Variants in SPATS1 observed in about 807,000 individuals in gnomAD.
The protein encoded by SPATS1 is spermatogenesis-associated serine-rich protein 1.
In SPATS1, 23 loss-of-function variants were observed where a neutral mutation model predicts 33.6. That is an observed-to-expected ratio of 0.68 (90% CI 0.49 to 0.97). The LOEUF (loss-of-function observed/expected upper bound fraction) is 0.97. Ranked by LOEUF, SPATS1 falls within the 50% of genes least tolerant of loss-of-function variation. The pLI is 0.00. For synonymous variants in SPATS1, 131 were observed against 125.6 expected (o/e 1.04, Z -0.29); for missense variants, 327 against 361.0 (o/e 0.91, Z 0.76).
chr6:44,361,595 A>G (rs1788923928), intron 4 of SPATS1: 9 of 944,326 alleles, frequency 9.5e-6, no homozygotes, highest in Non-Finnish European at 1.1e-5. Flanking sequence ...GAGAGGGTGA[A>G]GAGGGCAAAC....
At chr6:44,365,101 T>G (rs1789166986) in intron 5 of SPATS1, among the ~76,000 whole-genome samples, 1 of 152,230 alleles carries the variant, frequency 6.6e-6, no homozygotes, top group Non-Finnish European at 1.5e-5. Flanking sequence ...CACTCATTAT[T>G]TCTTGGATGA....
At chr6:44,366,922 A>T (rs1789284272) in intron 5 of SPATS1, among the ~76,000 whole-genome samples, 1 of 152,226 alleles carries the variant, frequency 6.6e-6, no homozygotes, top group Non-Finnish European at 1.5e-5. Context: ...GTAAGGTTAA[A>T]TAAATAGCTC....
At chr6:44,358,276 C>A (rs951561913) in intron 3 of SPATS1, among the ~76,000 whole-genome samples, 5 of 152,184 alleles carry the variant, frequency 3.3e-5, no homozygotes, top group Non-Finnish European at 5.9e-5. Context: ...GATAACAGAT[C>A]ATTGTACCTG....
rs572522650 is a variant in SPATS1 at position 44,345,748 on chromosome 6, A to G, written c.139+2514A>G. ...TCATTCACATATGTGAATCCATTCT[A>G]CATCTCCAAACATGCATTTCATGGC... is the stretch of plus-strand genomic sequence containing the variant. On this transcript the variant is annotated intron_variant, in intron 2 of 8. Coordinates refer to ENST00000674044, the MANE Select transcript of SPATS1 (RefSeq NM_001372081.1). Among the ~76,000 whole-genome samples the G allele has an allele frequency of 5.9e-5, 9 of 152,298 alleles. No individual in the cohort carries two copies. The East Asian group carries it at 1.7e-3, about 29-fold the overall frequency.
At chr6:44,364,784 TTTTCTC>T (rs1789144183) in intron 5 of SPATS1, among the ~76,000 whole-genome samples, 1 of 138,614 alleles carries the variant, frequency 7.2e-6, no homozygotes, top group South Asian at 2.1e-4. Context: ...TCTTCTTTTC[TTTTCTC>T]TTTCTTTCTT....
intron 5 of SPATS1, 146 bp downstream of exon 5, chr6:44,362,138 G>GTCTCTCTCTGTCACCCA: frequency 9.9e-7 from 1 of 1,011,832 alleles, no homozygotes. Flanking sequence ...AAAAGTGAAG[G>GTCTCTCTCTGTCACCCA]GGACAGTTTG....
intron 4 of SPATS1, 124 bp downstream of exon 4, chr6:44,360,694 A>G: frequency 8.2e-7 from 1 of 1,216,752 alleles, no homozygotes; most frequent in African/African-American, 1.5e-5. Flanking sequence ...TTATCTCAAA[A>G]TTCACAAAAC....
At position 44,342,754 on chromosome 6, in the gene SPATS1, C is replaced by A. The variant is rs1238932128; in HGVS notation, c.-15C>A. On this transcript the variant is annotated 5_prime_UTR_variant, in exon 1 of 9. Coordinates refer to ENST00000674044, the MANE Select transcript of SPATS1 (RefSeq NM_001372081.1). ...CGGCGTGCGTTCGGCAGTTCAGTTG[C>A]CAGTTGGTTCGTTGGTCCGTGGAGG... is the stretch of plus-strand genomic sequence containing the variant. 1 of 483,900 alleles carries A rather than the reference C, an allele frequency of 2.1e-6. No homozygotes were observed. 30.0% of individuals were successfully genotyped at this position (483,900 alleles called of 1,614,324 possible).
chr6:44,354,517 T>C (rs769174627), intron 3 of SPATS1, among the ~76,000 whole-genome samples: 6 of 152,168 alleles, frequency 3.9e-5, no homozygotes, highest in Non-Finnish European at 7.3e-5. Flanking sequence ...TTGTAAAACC[T>C]ACTTTTTAAA....
At position 44,377,884 on chromosome 6, in the gene SPATS1, C is replaced by T. The variant is rs1790042707; in HGVS notation, c.*821C>T. ...TCCCAATGGCCTTACCTCCTAATAC[C>T]ATCACCTTGGGGATTAGGTTTCGAC... On this transcript the variant is annotated 3_prime_UTR_variant, in exon 9 of 9. Transcript: ENST00000674044. The T allele has an allele frequency of 6.6e-6, 1 of 152,196 alleles. No homozygotes were observed. The highest frequency in any genetic ancestry group is 6.5e-5 in the Admixed American group (1 of 15,268). 9.4% of individuals were successfully genotyped at this position (152,196 alleles called of 1,614,324 possible). A position where few individuals can be genotyped will look rare whatever the true frequency, so the allele number is the denominator to read the frequency against.
At position 44,370,033 on chromosome 6, in the gene SPATS1, G is replaced by T; in HGVS notation, c.696-18G>T. ...TAGATGGCATACCAGTTTTATGATT[G>T]CCTTTTCTGTTTTTCAGAGTGCCTT... is the stretch of plus-strand genomic sequence containing the variant. On this transcript the variant is annotated intron_variant, in intron 6 of 8. Coordinates refer to ENST00000674044, the MANE Select transcript of SPATS1 (RefSeq NM_001372081.1). The T allele has an allele frequency of 5.6e-6, 9 of 1,601,322 alleles. No homozygotes were observed. The highest frequency in any genetic ancestry group is 7.7e-6 in the Non-Finnish European group (9 of 1,169,518).
At chr6:44,362,337 A>G (rs1167767148) in intron 5 of SPATS1, among the ~76,000 whole-genome samples, 1 of 152,252 alleles carries the variant, frequency 6.6e-6, no homozygotes, top group Non-Finnish European at 1.5e-5. Context: ...TGCCTGGCAT[A>G]CACATTTAAA....
Position 44,352,726 on chromosome 6 carries a change from G to A in SPATS1, c.140G>A (p.Ser47Asn). The change falls in exon 3 of 9, where the codon AGT becomes AAT. Residue 47 changes from serine to asparagine, a missense_variant and splice_region_variant. By Grantham distance (46) the Ser-to-Asn change is conservative. Coordinates refer to ENST00000674044, the MANE Select transcript of SPATS1 (RefSeq NM_001372081.1). ...SGMTEVERTY[S>N]ANCSDFLESK... ...AAATGGTGATATCTCTGTGTTACAG[G>A]TGCTAATTGCAGTGATTTTCTGGAA... 6.2e-7 allele frequency: 1 copy of A among 1,613,790 alleles called. No homozygotes were observed. Among genetic ancestry groups the A allele is most frequent in the Non-Finnish European group, 8.5e-7 (1 of 1,179,684 alleles).
chr6:44,367,611 C>T (rs945602862), intron 5 of SPATS1, among the ~76,000 whole-genome samples: 10 of 152,232 alleles, frequency 6.6e-5, no homozygotes, highest in Non-Finnish European at 1.0e-4. Flanking sequence ...CTTCCAGCCA[C>T]GTGTCCCTGC....
intron 5 of SPATS1, 71 bp downstream of exon 5, chr6:44,362,063 G>A: frequency 6.3e-7 from 1 of 1,582,156 alleles, no homozygotes; most frequent in Middle Eastern, 1.8e-4. Flanking sequence ...TATAGGCCCT[G>A]CATTCTGTAG....
At chr6:44,354,334 A>AAAAT (rs747479012) in intron 3 of SPATS1, among the ~76,000 whole-genome samples, 2,697 of 110,340 alleles carry the variant, frequency 0.024, 70 homozygotes, top group Admixed American at 0.064. Flanking sequence ...AACTTGTGTC[A>AAAAT]AAATAAATAA....
rs1055199832 is a variant in SPATS1 at position 44,379,292 on chromosome 6, T to C, written c.*2229T>C. Among the ~76,000 whole-genome samples the C allele has an allele frequency of 3.3e-5, 5 of 151,916 alleles. No homozygotes were observed. Among genetic ancestry groups the C allele is most frequent in the Non-Finnish European group, 5.9e-5 (4 of 67,978 alleles). On this transcript the variant is annotated 3_prime_UTR_variant, in exon 9 of 9. Coordinates refer to ENST00000674044, the MANE Select transcript of SPATS1 (RefSeq NM_001372081.1). ...AGGAGGGAGTCCTACACCATAAATA[T>C]ATTAAGGAAAACAACCGGCTGGGCG...
At chr6:44,358,456 T>C (rs1430942451) in intron 3 of SPATS1, among the ~76,000 whole-genome samples, 1 of 152,254 alleles carries the variant, frequency 6.6e-6, no homozygotes, top group East Asian at 1.9e-4. Context: ...AGGTTTGTTT[T>C]TGATTATTTC....
At position 44,361,463 on chromosome 6, in the gene SPATS1, C is replaced by A. The variant is rs939793099; in HGVS notation, c.413-368C>A. The A allele has an allele frequency of 4.1e-6, 4 of 985,310 alleles. No individual in the cohort carries two copies. In the East Asian group the frequency reaches 4.5e-4, roughly 112 times the overall value. 61.0% of individuals were successfully genotyped at this position (985,310 alleles called of 1,614,324 possible). A position where few individuals can be genotyped will look rare whatever the true frequency, so the allele number is the denominator to read the frequency against. On this transcript the variant is annotated intron_variant, in intron 4 of 8. Coordinates refer to ENST00000674044, the MANE Select transcript of SPATS1 (RefSeq NM_001372081.1). ...GGCCTAGCCATTTGCTGGTTGATGG[C>A]ATTCTATTTTTCCTACACCGTTATC...
Sources: gnomAD v4.1 joint callset for allele counts (sites outside exome capture counted in the v4.1 genomes callset) on GRCh38, gnomAD v4.1.1 for gene constraint, MANE v1.5 for transcripts, NCBI Gene and HGNC (gene_info 2026-07-23, HGNC 2026-07-21) for gene names.